The following PI4K2B variants were observed in gnomAD, a reference collection of about 807,000 sequenced individuals.
PI4K2B encodes the protein phosphatidylinositol 4-kinase type 2 beta.
Under a neutral mutation model 56.6 loss-of-function variants are expected in PI4K2B, and 46 were observed. That is an observed-to-expected ratio of 0.81 (90% CI 0.64 to 1.04). The LOEUF is 1.04. PI4K2B is among the 50% of genes least tolerant of loss of function. PI4K2B has a pLI of 0.00. For synonymous variants in PI4K2B, 211 were observed against 223.8 expected, an observed-to-expected ratio of 0.94 and a Z score of 0.51; for missense variants, 556 against 607.7, an observed-to-expected ratio of 0.91 and a Z score of 0.89.
intron 7 of PI4K2B, chr4:25,267,922 T>TCC: frequency 1.0e-6 from 1 of 956,712 alleles, no homozygotes. Context: ...AGACCTCAGC[T>TCC]GTGGTATTCA....
chr4:25,276,882 C>A, intron 9 of PI4K2B, 132 bp from the exon 10 acceptor site: 1 of 1,358,628 alleles, frequency 7.4e-7, no homozygotes, highest in South Asian at 2.2e-5. Flanking sequence ...ATAACAGGTA[C>A]TTATCTTCAC....
chr4:25,254,740 C>G (rs1277993458), intron 2 of PI4K2B, among the ~76,000 whole-genome samples: 1 of 152,096 alleles, frequency 6.6e-6, no homozygotes, highest in East Asian at 1.9e-4. Flanking sequence ...ACTTGGAAGT[C>G]CAGCAATATA....
At chr4:25,234,506 C>CCG in intron 1 of PI4K2B, 75 bp downstream of exon 1, 1 of 1,083,020 alleles carries the variant, frequency 9.2e-7, no homozygotes, top group Non-Finnish European at 1.2e-6. Flanking sequence ...GTCCTGTCTC[C>CCG]CGCGCGCGCT....
At chr4:25,267,734 G>T in intron 7 of PI4K2B, 1 of 968,544 alleles carries the variant, frequency 1.0e-6, no homozygotes, top group Non-Finnish European at 1.2e-6. Flanking sequence ...TCTAGTCCTG[G>T]CGTAGTTTAG....
At chr4:25,269,070 A>T in intron 8 of PI4K2B, 74 bp from the exon 9 acceptor site, 1 of 791,540 alleles carries the variant, frequency 1.3e-6, no homozygotes, top group East Asian at 2.5e-5. Flanking sequence ...TGCTGAGTTG[A>T]AGAGTTCATC....
intron 6 of PI4K2B, 46 bp from the exon 7 acceptor site, chr4:25,263,704 A>G (rs764849974): frequency 2.8e-6 from 2 of 716,572 alleles, no homozygotes; most frequent in Non-Finnish European, 4.9e-6. Context: ...CTTTGGGAAT[A>G]TTTATATAGG....
In PI4K2B at chr4:25,263,765, G is replaced by C; in HGVS notation, c.994G>C (p.Asp332His). 7.1e-7 allele frequency: 1 copy of C among 1,417,856 alleles called. No individual in the cohort carries two copies. Among genetic ancestry groups the C allele is most frequent in the African/African-American group, 1.4e-5 (1 of 71,188 alleles). The allele number at this position is 1,417,856 out of a possible 1,614,324, so 87.8% of individuals were successfully genotyped here. A position where few individuals can be genotyped will look rare whatever the true frequency, so the allele number is the denominator to read the frequency against. The stretch of plus-strand genomic sequence containing the variant: ...TACTCTATAGGAATCAAAATGGATT[G>C]ATGATGAAGAATTCCTTATTAAAAT... ...EIDHKESKWI[D>H]DEEFLIKIAA... The change falls in exon 7 of 10, where the codon GAT becomes CAT. Residue 332 changes from aspartate (D) to histidine (H), a missense_variant. Coordinates refer to ENST00000264864, the MANE Select transcript of PI4K2B (RefSeq NM_018323.4).
chr4:25,256,721 C>G, intron 4 of PI4K2B, 47 bp downstream of exon 4: 1 of 1,560,424 alleles, frequency 6.4e-7, no homozygotes, highest in Middle Eastern at 1.7e-4. Context: ...TGGGCACATA[C>G]ATCCTGAGCT....
At chr4:25,274,150 A>G (rs115026257) in intron 9 of PI4K2B, among the ~76,000 whole-genome samples, 2 of 152,286 alleles carry the variant, frequency 1.3e-5, no homozygotes, top group Non-Finnish European at 2.9e-5. Flanking sequence ...CTATAGAGAG[A>G]TAGCTTAAAA....
Position 25,249,554 on chromosome 4 carries a change from G to A in PI4K2B, c.269-2767G>A, listed in dbSNP as rs550916863. ...TCACTTCCCAGATGGGGCGGCTGCC[G>A]GGCGGAGGGGCTCCTCACTTCCCAG... On this transcript the variant is annotated intron_variant, in intron 1 of 9. Transcript: ENST00000264864. Among the ~76,000 whole-genome samples the A allele has an allele frequency of 5.1e-3, 745 of 144,842 alleles. 5 individuals are homozygous for A. Among genetic ancestry groups the A allele is most frequent in the African/African-American group, 0.018 (687 of 38,242 alleles).
intron 2 of PI4K2B, 108 bp downstream of exon 2, chr4:25,252,583 G>T: frequency 4.7e-6 from 4 of 843,076 alleles, no homozygotes; most frequent in Non-Finnish European, 7.6e-6. Context: ...AAGTCTGATT[G>T]TAACCTCTTT....
rs1716084932 is a variant in PI4K2B, at chr4:25,252,180, T to TG, written c.269-135dup. The TG allele has an allele frequency of 2.9e-5, 13 of 448,906 alleles. No individual in the cohort carries two copies. In the Middle Eastern group the frequency reaches 2.4e-3, roughly 82 times the overall value. The allele number at this position is 448,906 out of a possible 1,614,324, so 27.8% of individuals were successfully genotyped here. ...AAGAGAAGTGGGGGTTGTTAGGCAG[T>TG]GGGGGGAAGGAGGATTAGAGCAGTC... is the stretch of plus-strand genomic sequence containing the variant. On this transcript the variant is annotated intron_variant, in intron 1 of 9. Coordinates refer to ENST00000264864, the MANE Select transcript of PI4K2B (RefSeq NM_018323.4).
At chr4:25,255,934 C>CT (rs1396714823) in intron 3 of PI4K2B, among the ~76,000 whole-genome samples, 1 of 151,134 alleles carries the variant, frequency 6.6e-6, no homozygotes, top group Non-Finnish European at 1.5e-5. Flanking sequence ...CTGTTCTTTT[C>CT]TTTTTTTTGA....
At chr4:25,247,631 G>T (rs1428670744) in intron 1 of PI4K2B, among the ~76,000 whole-genome samples, 1 of 152,208 alleles carries the variant, frequency 6.6e-6, no homozygotes. Flanking sequence ...GTGGCATCCA[G>T]TTCAAGACCT....
chr4:25,245,439 A>G (rs1040740598), intron 1 of PI4K2B, among the ~76,000 whole-genome samples: 3 of 152,158 alleles, frequency 2.0e-5, no homozygotes, highest in African/African-American at 4.8e-5. Context: ...TCATGGCCGC[A>G]GGGTCAACCA....
At chr4:25,234,976 T>C (rs1715189517) in intron 1 of PI4K2B, among the ~76,000 whole-genome samples, 1 of 148,112 alleles carries the variant, frequency 6.8e-6, no homozygotes, top group Non-Finnish European at 1.5e-5. Context: ...TCTTACAGTT[T>C]AGTTTCTCTT....
At chr4:25,264,017 C>T (rs1716578123) in intron 7 of PI4K2B, among the ~76,000 whole-genome samples, 168 bp downstream of exon 7, 1 of 152,060 alleles carries the variant, frequency 6.6e-6, no homozygotes, top group South Asian at 2.1e-4. Context: ...CAGGGTCTTG[C>T]TATGAATTTT....
intron 1 of PI4K2B, among the ~76,000 whole-genome samples, chr4:25,240,601 G>A (rs184099552): frequency 1.3e-3 from 203 of 152,278 alleles, no homozygotes; most frequent in African/African-American, 4.7e-3. Flanking sequence ...TAAGGTGCAG[G>A]TGCCAGTCCA....
intron 1 of PI4K2B, among the ~76,000 whole-genome samples, chr4:25,240,251 C>T (rs1033082060): frequency 5.9e-5 from 9 of 152,320 alleles, no homozygotes; most frequent in African/African-American, 2.2e-4. Context: ...AAATAACACT[C>T]TTCCCCTAAG....
Sources: allele counts gnomAD v4.1 joint callset (sites outside exome capture counted in the v4.1 genomes callset), GRCh38; gene constraint gnomAD v4.1.1; transcripts MANE v1.5; gene names NCBI Gene and HGNC (gene_info 2026-07-23, HGNC 2026-07-21).